Variants in GBP7 observed in about 807,000 individuals in gnomAD.
GBP7 encodes the protein guanylate binding protein 7.
A neutral mutation model predicts 61.3 loss-of-function variants in GBP7; 43 were observed. The ratio of observed to expected loss-of-function variants is 0.70; its 90% CI spans 0.55 to 0.91. The LOEUF is 0.91. GBP7 is among the 40% of genes least tolerant of loss of function. The probability of loss-of-function intolerance (pLI) is 0.00; values close to 1 mark genes in which losing one functional copy is unlikely to be tolerated. For missense variants in GBP7, 717 were observed against 740.5 expected (o/e 0.97, Z 0.37); for synonymous variants, 267 against 271.0 (o/e 0.99, Z 0.14).
chr1:89,150,225 A>C (rs1203095988), intron 6 of GBP7, 105 bp downstream of exon 6: 5 of 1,069,736 alleles, frequency 4.7e-6, no homozygotes, highest in Non-Finnish European at 6.9e-6. Context: ...ACCTCATAAC[A>C]CAGATGTTAT....
At position 89,150,478 on chromosome 1, in the gene GBP7, A is replaced by G. The variant is rs767717308; in HGVS notation, c.723T>C (p.Asn241=). 2 of 1,613,982 alleles carry G rather than the reference A, an allele frequency of 1.2e-6. No individual in the cohort carries two copies. Among genetic ancestry groups the G allele is most frequent in the Non-Finnish European group, 8.5e-7 (1 of 1,179,906 alleles). ...CAACATGGAGTAAGAGTTTTTTGTCATTTATTGGCCGGTCAAAGACAAAGC... is the reference window on the plus strand; with the variant it reads ...CAACATGGAGTAAGAGTTTTTTGTCGTTTATTGGCCGGTCAAAGACAAAGC... ...QKCFVFDRPI[N]DKKLLLHVEE... The change falls in exon 6 of 11, where the codon AAT becomes AAC. Residue 241 remains asparagine (N), a synonymous_variant. Coordinates refer to ENST00000294671, the MANE Select transcript of GBP7 (RefSeq NM_207398.3).
Position 89,152,673 on chromosome 1 carries a change from C to T in GBP7, c.423G>A (p.Gln141=). 1.2e-6 allele frequency: 2 copies of T among 1,612,034 alleles called. No individual in the cohort carries two copies. The highest frequency in any genetic ancestry group is 1.3e-5 in the African/African-American group (1 of 74,906). Residue 141 remains glutamine (Q), a synonymous_variant, in exon 4 of 11, where the codon CAG becomes CAA. Coordinates refer to ENST00000294671, the MANE Select transcript of GBP7 (RefSeq NM_207398.3). ...MGTINHQALE[Q]LHYVTELTEL... ...TTCACTTCCTGGAAGGATACTGCAG[C>T]TGCTCCAGGGCCTGGTGGTTGATGG...
At chr1:89,157,483 A>T (rs1682343113) in intron 3 of GBP7, among the ~76,000 whole-genome samples, 1 of 152,184 alleles carries the variant, frequency 6.6e-6, no homozygotes, top group African/African-American at 2.4e-5. Context: ...AAGAAAAGAG[A>T]GAAGAATCAA....
intron 9 of GBP7, among the ~76,000 whole-genome samples, chr1:89,138,856 T>C (rs1349609559): frequency 6.6e-6 from 1 of 152,144 alleles, no homozygotes; most frequent in Non-Finnish European, 1.5e-5. Context: ...AAAGAGTTCA[T>C]GCACAACAAA....
At chr1:89,158,223 A>T (rs1017968124) in intron 3 of GBP7, among the ~76,000 whole-genome samples, 3 of 152,192 alleles carry the variant, frequency 2.0e-5, no homozygotes, top group African/African-American at 7.2e-5. Context: ...AAATAATAAG[A>T]GCTATTTATG....
chr1:89,139,157 T>G (rs1681878480), intron 9 of GBP7, among the ~76,000 whole-genome samples: 1 of 152,172 alleles, frequency 6.6e-6, no homozygotes, highest in Admixed American at 6.5e-5. Context: ...TACAACCATC[T>G]GATCTTTGAC....
At chr1:89,172,207 C>T (rs1647624864) in intron 1 of GBP7, among the ~76,000 whole-genome samples, 1 of 152,144 alleles carries the variant, frequency 6.6e-6, no homozygotes, top group African/African-American at 2.4e-5. Context: ...CTGGCTTCCC[C>T]TAATGTCGAT....
intron 3 of GBP7, among the ~76,000 whole-genome samples, chr1:89,162,293 T>C (rs7528571): frequency 0.01 from 1,557 of 152,264 alleles, 29 homozygotes; most frequent in African/African-American, 0.035. Flanking sequence ...TTAAAAACAG[T>C]TTTTTTCTAA....
intron 8 of GBP7, among the ~76,000 whole-genome samples, chr1:89,145,533 G>A (rs1424028458): frequency 6.6e-6 from 1 of 152,046 alleles, no homozygotes; most frequent in Non-Finnish European, 1.5e-5. Context: ...CAATGAACAT[G>A]GGAGTGAAAA....
chr1:89,139,585 A>C (rs1033152514), intron 9 of GBP7, among the ~76,000 whole-genome samples: 1 of 152,254 alleles, frequency 6.6e-6, no homozygotes, highest in African/African-American at 2.4e-5. Flanking sequence ...CAATGAACTC[A>C]AACAAATTCA....
chr1:89,148,553 T>C (rs1682118366), intron 7 of GBP7, among the ~76,000 whole-genome samples: 1 of 152,240 alleles, frequency 6.6e-6, no homozygotes, highest in Admixed American at 6.5e-5. Flanking sequence ...TTACATGAGC[T>C]CTTTGAAAGC....
chr1:89,170,317 C>T (rs1287430321), intron 2 of GBP7, among the ~76,000 whole-genome samples: 1 of 152,138 alleles, frequency 6.6e-6, no homozygotes, highest in Non-Finnish European at 1.5e-5. Context: ...AAGCTTTGTA[C>T]CTGTTACCTG....
At chr1:89,153,138 T>G (rs1242440832) in intron 3 of GBP7, among the ~76,000 whole-genome samples, 1 of 152,266 alleles carries the variant, frequency 6.6e-6, no homozygotes. Context: ...CTCTACTTTT[T>G]GTATGCAATA....
chr1:89,157,814 T>A (rs1262241892), intron 3 of GBP7, among the ~76,000 whole-genome samples: 1 of 152,118 alleles, frequency 6.6e-6, no homozygotes, highest in Non-Finnish European at 1.5e-5. Context: ...TCTGAAACTA[T>A]TCCAATCAGT....
intron 9 of GBP7, among the ~76,000 whole-genome samples, chr1:89,139,554 A>C (rs1681885144): frequency 6.6e-6 from 1 of 152,230 alleles, no homozygotes; most frequent in South Asian, 2.1e-4. Flanking sequence ...CATCTGACAA[A>C]GGGCTAATAT....
intron 2 of GBP7, among the ~76,000 whole-genome samples, chr1:89,165,413 T>C (rs1183432102): frequency 6.7e-6 from 1 of 150,100 alleles, no homozygotes; most frequent in African/African-American, 2.5e-5. Context: ...GGTAGGGGAG[T>C]CGCTTGAAAC....
rs573840045 is a variant in GBP7, at chr1:89,174,021, A to G, written c.-20+1900T>C. The stretch of plus-strand genomic sequence containing the variant: ...TTCTTTTTCACATTTTCTAACACGA[A>G]GATCACATCATATAGAAATTTGGAA... On this transcript the variant is annotated intron_variant, in intron 1 of 10. Transcript: ENST00000294671. Among the ~76,000 whole-genome samples, 86 of 152,326 alleles carry G rather than the reference A, an allele frequency of 5.6e-4. 1 individual carries two copies. In the Middle Eastern group the frequency reaches 0.017, roughly 30 times the overall value.
rs369594638 is a variant in GBP7 at position 89,152,391 on chromosome 1, C to T, written c.502G>A (p.Glu168Lys). The change falls in exon 5 of 11, where the codon GAG (glutamate) becomes AAG (lysine). Residue 168 changes from glutamate to lysine, a missense_variant. This residue lies in a region of GBP7 where 387 missense variants were observed against 385.2 expected (regional missense o/e 1.00). Coordinates refer to ENST00000294671, the MANE Select transcript of GBP7 (RefSeq NM_207398.3). ...PRPDEVEDSSEFVSFFPDFIW... is the reference protein window; with the variant it reads ...PRPDEVEDSSKFVSFFPDFIW... The stretch of plus-strand genomic sequence containing the variant: ...AAGTCTGGAAAGAAACTCACAAACT[C>T]GCTGGAGTCCTCAACTTCATCAGGT... 1.9e-5 allele frequency: 31 copies of T among 1,614,020 alleles called. No homozygotes were observed. The African/African-American group carries it at 3.3e-4, about 17-fold the overall frequency.
chr1:89,172,109 G>C (rs1647619861), intron 1 of GBP7, among the ~76,000 whole-genome samples, 155 bp from the exon 2 acceptor site: 1 of 152,090 alleles, frequency 6.6e-6, no homozygotes, highest in Non-Finnish European at 1.5e-5. Flanking sequence ...CTATAGACTG[G>C]GCCACTGTCT....
Sources: allele counts gnomAD v4.1 joint callset (sites outside exome capture counted in the v4.1 genomes callset), GRCh38; gene constraint gnomAD v4.1.1; regional missense constraint gnomAD v4.1.1; transcripts MANE v1.5; gene names NCBI Gene and HGNC (gene_info 2026-07-23, HGNC 2026-07-21).